The following CAPN10 variants were observed in gnomAD, a reference collection of about 807,000 sequenced individuals.
CAPN10 encodes calpain-10.
CAPN10 carries 71 observed loss-of-function variants against 78.4 expected under a neutral mutation model. The observed-to-expected ratio is 0.91, with a 90% CI of 0.75 to 1.10. CAPN10 has a LOEUF of 1.10. Among genes scored for constraint, CAPN10 ranks in the 50% least tolerant of loss-of-function variants. The pLI, the probability that CAPN10 is intolerant of heterozygous loss-of-function variation, is 0.00. For missense variants in CAPN10, 849 were observed against 924.6 expected (o/e 0.92, Z 1.06); for synonymous variants, 437 against 407.2 (o/e 1.07, Z -0.88).
At chr2:240,598,594 G>A (rs2093152297) in intron 11 of CAPN10, 57 bp from the exon 12 acceptor site, 2 of 1,539,844 alleles carry the variant, frequency 1.3e-6, no homozygotes. Flanking sequence ...CACTCGGGGT[G>A]GGGTGTGAGA....
Position 240,595,358 on chromosome 2 carries a change from A to G in CAPN10, c.1278+54A>G, listed in dbSNP as rs1363509671. On this transcript the variant is annotated intron_variant, in intron 7 of 11. Coordinates refer to ENST00000391984, the MANE Select transcript of CAPN10 (RefSeq NM_023083.4). ...GGTTCAGCAGGTGGTGTGGAGGCCC[A>G]TGGAGGTCTGGGTTCTAGGACTGGC... 4 of 1,578,860 alleles carry G rather than the reference A, an allele frequency of 2.5e-6. No individual in the cohort carries two copies. The Admixed American group carries it at 5.1e-5, about 20-fold the overall frequency.
In CAPN10 at chr2:240,596,444, T is replaced by C; in HGVS notation, c.1404T>C (p.Ala468=). 6.2e-7 allele frequency: 1 copy of C among 1,613,714 alleles called. No homozygotes were observed. Among genetic ancestry groups the C allele is most frequent in the Non-Finnish European group, 8.5e-7 (1 of 1,179,932 alleles). The change falls in exon 8 of 12, where the codon GCT becomes GCC. Residue 468 remains alanine (A), a synonymous_variant. Coordinates refer to ENST00000391984, the MANE Select transcript of CAPN10 (RefSeq NM_023083.4). ...RCELSPGYYL[A]VPSTFLKDAP... ...AGCTCTCACCGGGCTACTACCTGGC[T>C]GTCCCCAGCACCTTCCTGAAGGACG...
chr2:240,594,313 A>G, intron 5 of CAPN10: 1 of 609,578 alleles, frequency 1.6e-6, no homozygotes, highest in East Asian at 2.7e-5. Context: ...ACGCATCCAG[A>G]GGCGTGAAGT....
At chr2:240,597,570 G>C (rs1327251604) in intron 9 of CAPN10, among the ~76,000 whole-genome samples, 3 of 152,280 alleles carry the variant, frequency 2.0e-5, no homozygotes, top group Middle Eastern at 3.4e-3. Context: ...TGGGCCACCG[G>C]CTCAGGTCCC....
At position 240,599,067 on chromosome 2, in the gene CAPN10, G is replaced by A; in HGVS notation, c.*387G>A. 3.7e-6 allele frequency: 1 copy of A among 269,942 alleles called. No homozygotes were observed. The highest frequency in any genetic ancestry group is 9.3e-5 in the South Asian group (1 of 10,798). 16.7% of individuals were successfully genotyped at this position (269,942 alleles called of 1,614,324 possible). A position where few individuals can be genotyped will look rare whatever the true frequency, so the allele number is the denominator to read the frequency against. ...TTATTGTTCGAATCACTTTTAGGATGTAACTTTATAAATAAACATGAGCGC... is the reference window on the plus strand; with the variant it reads ...TTATTGTTCGAATCACTTTTAGGATATAACTTTATAAATAAACATGAGCGC... On this transcript the variant is annotated 3_prime_UTR_variant, in exon 12 of 12. Coordinates refer to ENST00000391984, the MANE Select transcript of CAPN10 (RefSeq NM_023083.4).
In CAPN10 at chr2:240,586,903, G is replaced by A. The variant is rs1230443104; in HGVS notation, c.-9G>A. The A allele has an allele frequency of 7.1e-7, 1 of 1,403,492 alleles. No homozygotes were observed. Among genetic ancestry groups the A allele is most frequent in the Non-Finnish European group, 9.3e-7 (1 of 1,080,424 alleles). 86.9% of individuals were successfully genotyped at this position (1,403,492 alleles called of 1,614,324 possible). ...AACCGGCTGCAGATGGGAGCCCGCG[G>A]AGCCGAGGATGCGGGCGGGCCGGGG... is the stretch of plus-strand genomic sequence containing the variant. On this transcript the variant is annotated 5_prime_UTR_variant, in exon 1 of 12. Transcript: ENST00000391984.
chr2:240,597,029 C>T, intron 9 of CAPN10, 87 bp downstream of exon 9: 1 of 1,534,480 alleles, frequency 6.5e-7, no homozygotes, highest in East Asian at 2.3e-5. Context: ...CAACAGAGGG[C>T]TCTGGGCTCA....
chr2:240,598,562 G>T, intron 11 of CAPN10, 89 bp from the exon 12 acceptor site: 1 of 1,480,936 alleles, frequency 6.8e-7, no homozygotes, highest in Non-Finnish European at 9.3e-7. Context: ...GGGAGCTGAG[G>T]CTGCGTCCCA....
At chr2:240,591,887 A>G (rs773442117) in intron 3 of CAPN10, 46 bp from the exon 4 acceptor site, 3 of 1,546,890 alleles carry the variant, frequency 1.9e-6, no homozygotes, top group Non-Finnish European at 2.7e-6. Context: ...AGAGGGGGCC[A>G]TGCTCAATGC....
At chr2:240,597,482 G>C (rs1364311995) in intron 9 of CAPN10, among the ~76,000 whole-genome samples, 1 of 152,172 alleles carries the variant, frequency 6.6e-6, no homozygotes, top group East Asian at 1.9e-4. Context: ...GGAATGCAGG[G>C]GCCCTGACGA....
At chr2:240,587,969 A>T (rs2093078586) in intron 1 of CAPN10, among the ~76,000 whole-genome samples, 1 of 152,184 alleles carries the variant, frequency 6.6e-6, no homozygotes, top group Middle Eastern at 3.2e-3. Context: ...CTGGAGAAAG[A>T]TGAAGGGGCT....
At chr2:240,591,285 A>C (rs547119679) in intron 3 of CAPN10, 1 of 406,194 alleles carries the variant, frequency 2.5e-6, no homozygotes, top group African/African-American at 2.0e-5. Context: ...CGTCCTCCTT[A>C]TTTTATCGGC....
At chr2:240,587,250 A>G (rs2093074432) in intron 1 of CAPN10, among the ~76,000 whole-genome samples, 198 bp downstream of exon 1, 1 of 152,104 alleles carries the variant, frequency 6.6e-6, no homozygotes, top group African/African-American at 2.4e-5. Flanking sequence ...ACTCGGCGCT[A>G]CCCTAAGGAC....
chr2:240,591,482 T>C (rs73999917), intron 3 of CAPN10: 3,649 of 234,490 alleles, frequency 0.016, 139 homozygotes, highest in African/African-American at 0.077. Context: ...CCTCTTAGAA[T>C]GCATTTGTCT....
rs1161612134 is a variant in CAPN10 at position 240,596,500 on chromosome 2, C to T, written c.1460C>T (p.Ser487Phe). 1 of 1,609,616 alleles carries T rather than the reference C, an allele frequency of 6.2e-7. No homozygotes were observed. The part of the protein sequence containing the change: ...APGEFLLRVF[S>F]TGRVSLSAIR... ...GGGGAGTTCCTGCTCCGAGTCTTCT[C>T]TACCGGGCGAGTCTCCCTTAGGTGA... The change falls in exon 8 of 12, where the codon TCT (serine) becomes TTT (phenylalanine). Residue 487 changes from serine (S) to phenylalanine (F), a missense_variant. Ser to Phe is a radical substitution (Grantham distance 155). Coordinates refer to ENST00000391984, the MANE Select transcript of CAPN10 (RefSeq NM_023083.4).
chr2:240,587,525 C>A (rs1575444319), intron 1 of CAPN10, among the ~76,000 whole-genome samples: 1 of 152,266 alleles, frequency 6.6e-6, no homozygotes, highest in East Asian at 1.9e-4. Flanking sequence ...AGAAATGGCA[C>A]CTCCAAGGGA....
chr2:240,588,996 G>GAA (rs2093084845), intron 1 of CAPN10, among the ~76,000 whole-genome samples: 1 of 178 alleles, frequency 5.6e-3, no homozygotes, highest in Non-Finnish European at 9.8e-3. Context: ...GCCTGCTAGA[G>GAA]AAACAGATTT....
At chr2:240,597,084 G>T (rs1232260961) in intron 9 of CAPN10, 142 bp downstream of exon 9, 6 of 1,033,184 alleles carry the variant, frequency 5.8e-6, no homozygotes, top group African/African-American at 1.6e-5. Flanking sequence ...CCTAGAACCC[G>T]CACAGGGCCC....
At chr2:240,596,542 C>G (rs1189216860) in intron 8 of CAPN10, 21 bp downstream of exon 8, 13 of 1,577,362 alleles carry the variant, frequency 8.2e-6, no homozygotes, top group Non-Finnish European at 1.1e-5. Context: ...CCGCGCAGTG[C>G]TGCTGGCTCT....
Sources: allele counts gnomAD v4.1 joint callset (sites outside exome capture counted in the v4.1 genomes callset), GRCh38; gene constraint gnomAD v4.1.1; transcripts MANE v1.5; gene names NCBI Gene and HGNC (gene_info 2026-07-23, HGNC 2026-07-21).